Variants in ARFGEF1 observed in about 807,000 individuals in gnomAD.
ARFGEF1 encodes the protein ARF guanine nucleotide exchange factor 1.
ARFGEF1 carries 42 observed loss-of-function variants against 231.0 expected under a neutral mutation model. The observed-to-expected ratio is 0.18, with a 90% CI of 0.14 to 0.24. The LOEUF (loss-of-function observed/expected upper bound fraction) is 0.24, where lower values mean the gene tolerates loss of function less well. Ranked by LOEUF, ARFGEF1 falls within the 10% of genes least tolerant of loss-of-function variation. The pLI is 1.00. For missense variants in ARFGEF1, 1,345 were observed against 2,192.0 expected, an observed-to-expected ratio of 0.61 and a Z score of 7.72; for synonymous variants, 710 against 732.3, an observed-to-expected ratio of 0.97 and a Z score of 0.49.
intron 14 of ARFGEF1, among the ~76,000 whole-genome samples, chr8:67,263,911 T>C (rs1186440333): frequency 1.3e-5 from 2 of 152,156 alleles, no homozygotes; most frequent in African/African-American, 4.8e-5. Flanking sequence ...AGAACAATTA[T>C]ATCTTTTATA....
chr8:67,186,959 A>AATCT (rs1347959989), intron 5 of ARFGEF1, among the ~76,000 whole-genome samples: 2 of 148,282 alleles, frequency 1.3e-5, no homozygotes, highest in East Asian at 4.0e-4. Flanking sequence ...CTGAGGTATA[A>AATCT]ATCTATCTAT....
chr8:67,227,717 T>C, intron 25 of ARFGEF1, 119 bp from the exon 26 acceptor site: 1 of 1,124,014 alleles, frequency 8.9e-7, no homozygotes, highest in Non-Finnish European at 1.2e-6. Context: ...CCTAAGATTT[T>C]CCATAAAGGC....
intron 1 of ARFGEF1, among the ~76,000 whole-genome samples, chr8:67,339,444 A>G (rs1808497065): frequency 6.6e-6 from 1 of 152,120 alleles, no homozygotes; most frequent in Admixed American, 6.5e-5. Flanking sequence ...TGAACTAGTC[A>G]CAACCCTAAC....
chr8:67,234,723 T>C (rs950337269), intron 22 of ARFGEF1, among the ~76,000 whole-genome samples: 2 of 152,192 alleles, frequency 1.3e-5, no homozygotes, highest in African/African-American at 2.4e-5. Context: ...TTTTAGAAGA[T>C]TGATATGATC....
At chr8:67,215,071 G>T (rs1228472890) in intron 33 of ARFGEF1, among the ~76,000 whole-genome samples, 1 of 152,032 alleles carries the variant, frequency 6.6e-6, no homozygotes, top group Non-Finnish European at 1.5e-5. Flanking sequence ...TCTCCTTTTT[G>T]CAATGAGATC....
chr8:67,332,307 A>C (rs933861616), intron 1 of ARFGEF1, among the ~76,000 whole-genome samples: 1 of 152,218 alleles, frequency 6.6e-6, no homozygotes, highest in Non-Finnish European at 1.5e-5. Context: ...ATGATTTGAA[A>C]TGTTACAAAA....
intron 14 of ARFGEF1, among the ~76,000 whole-genome samples, chr8:67,262,498 T>C (rs1377650166): frequency 6.6e-6 from 1 of 152,240 alleles, no homozygotes. Context: ...ATTTAGTTTA[T>C]AAAATTGCAG....
downstream of ARFGEF1, chr8:67,193,615 G>T (rs1837037697): frequency 1.9e-6 from 3 of 1,609,536 alleles, no homozygotes; most frequent in Middle Eastern, 1.7e-4. Flanking sequence ...AAATGACCAA[G>T]TGTAATGGCC....
At chr8:67,196,879 CAAAT>C (rs1300984722), downstream of ARFGEF1, among the ~76,000 whole-genome samples, 1 of 152,138 alleles carries the variant, frequency 6.6e-6, no homozygotes, top group Non-Finnish European at 1.5e-5. Context: ...TTGGGTGTAA[CAAAT>C]ACAGCACACT....
At chr8:67,311,438 C>G (rs1563908641) in intron 1 of ARFGEF1, among the ~76,000 whole-genome samples, 1 of 138,748 alleles carries the variant, frequency 7.2e-6, no homozygotes, top group Non-Finnish European at 1.6e-5. Context: ...CCCCGCCCGG[C>G]CAGCCGCCCC....
At chr8:67,301,444 G>A in intron 2 of ARFGEF1, 64 bp from the exon 3 acceptor site, 4 of 1,475,340 alleles carry the variant, frequency 2.7e-6, no homozygotes, top group South Asian at 2.8e-5. Flanking sequence ...ATAAACCCAT[G>A]TAGAAACACA....
chr8:67,192,804 G>GT (rs148026011), downstream of ARFGEF1, among the ~76,000 whole-genome samples: 7,187 of 152,238 alleles, frequency 0.047, 246 homozygotes, highest in Non-Finnish European at 0.076. Flanking sequence ...GTCCATAAAC[G>GT]TAAGGATTTA....
In ARFGEF1 at chr8:67,276,014, C is replaced by T; in HGVS notation, c.1299G>A (p.Leu433=). 1 of 1,613,360 alleles carries T rather than the reference C, an allele frequency of 6.2e-7. No homozygotes were observed. The highest frequency in any genetic ancestry group is 8.5e-7 in the Non-Finnish European group (1 of 1,179,494). The change falls in exon 9 of 39, where the codon CTG becomes CTA. Residue 433 remains leucine (L), a synonymous_variant. Transcript: ENST00000262215. ...AFLVFRSLCK[L]SMKPLSDGPP... ...GTCCATCTGACAGTGGTTTCATTGA[C>T]AGTTTACACAATGACCTGAATACTA...
At chr8:67,252,947 G>A (rs1250646050) in intron 18 of ARFGEF1, among the ~76,000 whole-genome samples, 1 of 151,536 alleles carries the variant, frequency 6.6e-6, no homozygotes, top group Admixed American at 6.6e-5. Context: ...AAGAAAAAAT[G>A]ACAAGGGTTG....
chr8:67,265,855 A>G (rs1325082593), intron 14 of ARFGEF1, 151 bp downstream of exon 14: 3 of 689,742 alleles, frequency 4.3e-6, no homozygotes, highest in African/African-American at 1.8e-5. Flanking sequence ...ACTGCAATGA[A>G]CAAGGGGGGC....
intron 7 of ARFGEF1, among the ~76,000 whole-genome samples, chr8:67,282,981 T>C (rs550581970): frequency 6.7e-6 from 1 of 149,996 alleles, no homozygotes; most frequent in South Asian, 2.1e-4. Context: ...CTCCTGAAAA[T>C]AAGAACAAAA....
At chr8:67,262,302 G>C (rs914987790) in intron 14 of ARFGEF1, among the ~76,000 whole-genome samples, 2 of 152,172 alleles carry the variant, frequency 1.3e-5, no homozygotes, top group African/African-American at 4.8e-5. Flanking sequence ...AAAGTAACAA[G>C]AGACTTAGAA....
rs145658001 is a variant in ARFGEF1 at position 67,327,230 on chromosome 8, C to A, written c.124+15934G>T. ...TTTCCTCTTACTCTATATTTAAATA[C>A]CACATGCTTGAGAAAGAAGATAAAT... On this transcript the variant is annotated intron_variant, in intron 1 of 38. Coordinates refer to ENST00000262215, the MANE Select transcript of ARFGEF1 (RefSeq NM_006421.5). Among the ~76,000 whole-genome samples the A allele has an allele frequency of 2.7e-4, 41 of 152,044 alleles. No homozygotes were observed. In the East Asian group the frequency reaches 7.9e-3, roughly 29 times the overall value.
intron 1 of ARFGEF1, among the ~76,000 whole-genome samples, chr8:67,327,777 C>T (rs1405174747): frequency 1.3e-5 from 2 of 152,230 alleles, no homozygotes; most frequent in Non-Finnish European, 2.9e-5. Flanking sequence ...AAGAAAAGTA[C>T]TATATAATCT....
Sources: gnomAD v4.1 joint callset for allele counts (sites outside exome capture counted in the v4.1 genomes callset) on GRCh38, gnomAD v4.1.1 for gene constraint, MANE v1.5 for transcripts, NCBI Gene and HGNC (gene_info 2026-07-23, HGNC 2026-07-21) for gene names.